CDC16: variants seen among roughly 807,000 people sequenced by gnomAD.
CDC16 encodes the protein cell division cycle 16.
Under a neutral mutation model 87.0 loss-of-function variants are expected in CDC16, and 34 were observed. The observed-to-expected ratio is 0.39, with a 90% CI of 0.30 to 0.52. The LOEUF is 0.52. Among genes scored for constraint, CDC16 ranks in the 20% least tolerant of loss-of-function variants. The pLI, the probability that CDC16 is intolerant of heterozygous loss-of-function variation, is 0.74. For synonymous variants in CDC16, 263 were observed against 260.6 expected (o/e 1.01, Z -0.09); for missense variants, 653 against 751.9 (o/e 0.87, Z 1.54).
At position 114,234,987 on chromosome 13, in the gene CDC16, G is replaced by A. The variant is rs568838959; in HGVS notation, c.-98G>A. On this transcript the variant is annotated 5_prime_UTR_variant, in exon 1 of 18. Transcript: ENST00000356221. Reference sequence around the variant, plus strand: ...CTTCGAGTCCTGGGGCGGCGGCGGCGGCTGCAGGCACGGGCACGGGCACGG... The same window carrying A: ...CTTCGAGTCCTGGGGCGGCGGCGGCAGCTGCAGGCACGGGCACGGGCACGG... 1.8e-3 allele frequency: 1,810 copies of A among 998,030 alleles called. 27 individuals carry two copies. In the African/African-American group the frequency reaches 0.029, roughly 16 times the overall value. 61.8% of individuals were successfully genotyped at this position (998,030 alleles called of 1,614,324 possible). A position where few individuals can be genotyped will look rare whatever the true frequency, so the allele number is the denominator to read the frequency against.
In CDC16 at chr13:114,254,442, C is replaced by T. The variant is rs1037846463; in HGVS notation, c.1098-2636C>T. 6.6e-5 allele frequency among the ~76,000 whole-genome samples: 10 copies of T among 152,048 alleles called. 1 individual carries two copies. Among genetic ancestry groups the T allele is most frequent in the Admixed American group, 5.9e-4 (9 of 15,260 alleles). ...TTATAATTAGCACCTTAATTTAAAA[C>T]GACCTACTTTGAATTAATACCAATT... is the stretch of plus-strand genomic sequence containing the variant. On this transcript the variant is annotated intron_variant, in intron 12 of 17. Transcript: ENST00000356221.
At chr13:114,246,383 ATTGT>A (rs1275706194) in intron 10 of CDC16, among the ~76,000 whole-genome samples, 1 of 152,216 alleles carries the variant, frequency 6.6e-6, no homozygotes, top group Non-Finnish European at 1.5e-5. Context: ...AATGTGGATA[ATTGT>A]TTGGCAGCTT....
chr13:114,239,006 G>A lies in CDC16; in HGVS notation c.218G>A (p.Arg73His), dbSNP rs1401731336. 4 of 1,611,580 alleles carry A rather than the reference G, an allele frequency of 2.5e-6. No homozygotes were observed. Among genetic ancestry groups the A allele is most frequent in the Non-Finnish European group, 3.4e-6 (4 of 1,178,566 alleles). Reference protein sequence around the residue: ...RKLDKLYEACRYLAARCHYAA... With the variant: ...RKLDKLYEACHYLAARCHYAA... ...CTTTCCTAGTTGTATGAAGCATGTC[G>A]TTACCTTGCAGCTAGGTGCCATGTA... Residue 73 changes from arginine to histidine, a missense_variant, in exon 4 of 18, where the codon CGT (arginine) becomes CAT (histidine). By Grantham distance (29) the Arg-to-His change is conservative. Coordinates refer to ENST00000356221, the MANE Select transcript of CDC16 (RefSeq NM_001078645.3).
At chr13:114,263,055 A>G (rs757371455) in intron 16 of CDC16, 41 bp downstream of exon 16, 28 of 1,553,012 alleles carry the variant, frequency 1.8e-5, no homozygotes, top group Non-Finnish European at 2.3e-5. Flanking sequence ...TCTGGTTAAC[A>G]TTGACCACTT....
intron 1 of CDC16, 92 bp downstream of exon 1, chr13:114,235,224 T>C: frequency 2.2e-6 from 2 of 914,508 alleles, no homozygotes; most frequent in Non-Finnish European, 2.9e-6. Context: ...TCGGGGCTCT[T>C]GGTGGGGAAG....
chr13:114,255,353 T>A (rs2082429212), intron 12 of CDC16, among the ~76,000 whole-genome samples: 1 of 152,244 alleles, frequency 6.6e-6, no homozygotes, highest in Admixed American at 6.5e-5. Flanking sequence ...GTTACTTTCC[T>A]ACTGTAATAC....
chr13:114,237,441 C>T (rs1481815781), intron 3 of CDC16, among the ~76,000 whole-genome samples: 1 of 151,944 alleles, frequency 6.6e-6, no homozygotes, highest in Non-Finnish European at 1.5e-5. Context: ...AGGTGCATGC[C>T]ACCACACCCA....
Position 114,245,837 on chromosome 13 carries a change from A to C in CDC16, c.848-163A>C, listed in dbSNP as rs111443934. 3 of 575,998 alleles carry C rather than the reference A, an allele frequency of 5.2e-6. No individual in the cohort carries two copies. In the East Asian group the frequency reaches 9.6e-5, roughly 18 times the overall value. 35.7% of individuals were successfully genotyped at this position (575,998 alleles called of 1,614,324 possible). A position where few individuals can be genotyped will look rare whatever the true frequency, so the allele number is the denominator to read the frequency against. On this transcript the variant is annotated intron_variant, in intron 9 of 17. Transcript: ENST00000356221. ...CTTGCCCACAGTGTGTCCTTCATCTAACTCTCCAGTTAGAGAGTTAATTTT... is the reference window on the plus strand; with the variant it reads ...CTTGCCCACAGTGTGTCCTTCATCTCACTCTCCAGTTAGAGAGTTAATTTT...
At chr13:114,246,766 C>T (rs1022325917) in intron 10 of CDC16, among the ~76,000 whole-genome samples, 165 bp from the exon 11 acceptor site, 1 of 152,180 alleles carries the variant, frequency 6.6e-6, no homozygotes, top group Admixed American at 6.5e-5. Context: ...AGTGTCTGCC[C>T]TCTTCTCTTG....
At position 114,234,990 on chromosome 13, in the gene CDC16, T is replaced by TGCAGGC. The variant is rs1376425872; in HGVS notation, c.-94_-89dup. Reference sequence around the variant, plus strand: ...CGAGTCCTGGGGCGGCGGCGGCGGCTGCAGGCACGGGCACGGGCACGGGGC... The same window carrying TGCAGGC: ...CGAGTCCTGGGGCGGCGGCGGCGGCTGCAGGCGCAGGCACGGGCACGGGCACGGGGC... On this transcript the variant is annotated 5_prime_UTR_variant, in exon 1 of 18. Transcript: ENST00000356221. The TGCAGGC allele has an allele frequency of 1.3e-4, 133 of 1,031,270 alleles. No homozygotes were observed. The highest frequency in any genetic ancestry group is 1.6e-4 in the Non-Finnish European group (127 of 804,396). The allele number at this position is 1,031,270 out of a possible 1,614,324, so 63.9% of individuals were successfully genotyped here.
rs139552011 is a variant in CDC16, at chr13:114,270,087, CG to C, written c.1604-2096del. On this transcript the variant is annotated intron_variant, in intron 17 of 17. Coordinates refer to ENST00000356221, the MANE Select transcript of CDC16 (RefSeq NM_001078645.3). ...GAAGATTAGTGTATTAGTTCATTCTCGCATTGCTGTAAAGAAATACCTGAGC... is the reference window on the plus strand; with the variant it reads ...GAAGATTAGTGTATTAGTTCATTCTCCATTGCTGTAAAGAAATACCTGAGC... Among the ~76,000 whole-genome samples, 1,318 of 152,250 alleles carry C rather than the reference CG, an allele frequency of 8.7e-3. 15 individuals carry two copies. Among genetic ancestry groups the C allele is most frequent in the African/African-American group, 0.03 (1,227 of 41,548 alleles).
intron 14 of CDC16, among the ~76,000 whole-genome samples, 187 bp downstream of exon 14, chr13:114,259,585 C>A (rs1358434367): frequency 6.6e-6 from 1 of 152,134 alleles, no homozygotes; most frequent in Non-Finnish European, 1.5e-5. Context: ...AGTTTTTTCC[C>A]TAAGAGGGCA....
At chr13:114,248,666 G>C (rs545454487) in intron 11 of CDC16, among the ~76,000 whole-genome samples, 1 of 152,072 alleles carries the variant, frequency 6.6e-6, no homozygotes, top group South Asian at 2.1e-4. Context: ...CGCCGACAGA[G>C]TGAGACTCTG....
rs1300780518 is a variant in CDC16, at chr13:114,242,146, G to A, written c.407G>A (p.Arg136His). ...SSIKSSICLLRGKIYDALDNR... is the reference protein window; with the variant it reads ...SSIKSSICLLHGKIYDALDNR... ...ATAAAGAGTTCTATCTGTCTTCTACGCGGGAAAATCTATGATGCTCTAGAT... is the reference window on the plus strand; with the variant it reads ...ATAAAGAGTTCTATCTGTCTTCTACACGGGAAAATCTATGATGCTCTAGAT... The change falls in exon 6 of 18, where the codon CGC becomes CAC. Residue 136 changes from arginine (R) to histidine (H), a missense_variant. Transcript: ENST00000356221. The A allele has an allele frequency of 5.0e-6, 8 of 1,611,082 alleles. No individual in the cohort carries two copies. Among genetic ancestry groups the A allele is most frequent in the South Asian group, 4.4e-5 (4 of 90,168 alleles).
At chr13:114,246,565 C>T (rs1274236654) in intron 10 of CDC16, among the ~76,000 whole-genome samples, 1 of 152,160 alleles carries the variant, frequency 6.6e-6, no homozygotes, top group Non-Finnish European at 1.5e-5. Context: ...TGCACCCTAT[C>T]CCAGTGTGAA....
intron 11 of CDC16, among the ~76,000 whole-genome samples, chr13:114,247,921 CAAT>C (rs754429880): frequency 4.8e-5 from 7 of 147,220 alleles, no homozygotes; most frequent in Admixed American, 6.7e-5. Context: ...AAATATGAAA[CAAT>C]AGAGAATAAT....
chr13:114,237,017 T>G lies in CDC16; in HGVS notation c.201+121T>G, dbSNP rs556625981. The G allele has an allele frequency of 4.8e-4, 271 of 566,526 alleles. 1 individual carries two copies. The African/African-American group carries it at 4.9e-3, about 10-fold the overall frequency. The allele number at this position is 566,526 out of a possible 1,614,324, so 35.1% of individuals were successfully genotyped here. On this transcript the variant is annotated intron_variant, in intron 3 of 17. Coordinates refer to ENST00000356221, the MANE Select transcript of CDC16 (RefSeq NM_001078645.3). ...TTGGAAAGCCAAGGCAGGTGGATCA[T>G]GAGGTCAGGAGCTCAAGACCAAGAT...
chr13:114,271,983 T>C (rs2083709927), intron 17 of CDC16, among the ~76,000 whole-genome samples: 1 of 152,234 alleles, frequency 6.6e-6, no homozygotes, highest in African/African-American at 2.4e-5. Flanking sequence ...CCTTCTGCTC[T>C]CAACTTGTGC....
At position 114,242,107 on chromosome 13, in the gene CDC16, C is replaced by A; in HGVS notation, c.382-14C>A. On this transcript the variant is annotated splice_polypyrimidine_tract_variant and intron_variant, in intron 5 of 17. Coordinates refer to ENST00000356221, the MANE Select transcript of CDC16 (RefSeq NM_001078645.3). ...AGTACTGACTTAATATGTGACTCATCATTTTTCCAACAGATAAAGAGTTCT... is the reference window on the plus strand; with the variant it reads ...AGTACTGACTTAATATGTGACTCATAATTTTTCCAACAGATAAAGAGTTCT... 1 of 1,587,484 alleles carries A rather than the reference C, an allele frequency of 6.3e-7. No homozygotes were observed. The highest frequency in any genetic ancestry group is 8.5e-7 in the Non-Finnish European group (1 of 1,171,510).
Sources: allele counts gnomAD v4.1 joint callset (sites outside exome capture counted in the v4.1 genomes callset), GRCh38; gene constraint gnomAD v4.1.1; transcripts MANE v1.5; gene names NCBI Gene and HGNC (gene_info 2026-07-23, HGNC 2026-07-21).